TNIP1: variants seen among roughly 807,000 people sequenced by gnomAD.
TNIP1 encodes the protein TNFAIP3 interacting protein 1, also known as TNFAIP3-interacting protein 1.
In TNIP1, 22 loss-of-function variants were observed where a neutral mutation model predicts 86.6. The ratio of observed to expected loss-of-function variants is 0.25; its 90% CI spans 0.18 to 0.36. The LOEUF (loss-of-function observed/expected upper bound fraction) is 0.36, where lower values mean the gene tolerates loss of function less well. Among genes scored for constraint, TNIP1 ranks in the 10% least tolerant of loss-of-function variants. TNIP1 has a pLI of 1.00. For synonymous variants in TNIP1, 294 were observed against 313.0 expected (o/e 0.94, Z 0.64); for missense variants, 709 against 820.6 (o/e 0.86, Z 1.66).
At chr5:151,059,799 GAGA>G (rs1561512196) in intron 5 of TNIP1, among the ~76,000 whole-genome samples, 16 of 106,678 alleles carry the variant, frequency 1.5e-4, no homozygotes, top group African/African-American at 7.5e-4. Flanking sequence ...GAGAGAGAGA[GAGA>G]GAGAGAGAGA....
intron 1 of TNIP1, among the ~76,000 whole-genome samples, chr5:151,069,628 G>A (rs951901621): frequency 8.5e-5 from 13 of 152,122 alleles, no homozygotes; most frequent in African/African-American, 3.1e-4. Context: ...ACAGGGAGGT[G>A]GAAGGTCATC....
Position 151,042,734 on chromosome 5 carries a change from C to T in TNIP1, c.1003-63G>A, listed in dbSNP as rs115501731. On this transcript the variant is annotated intron_variant, in intron 10 of 17. Coordinates refer to ENST00000521591, the MANE Select transcript of TNIP1 (RefSeq NM_006058.5). Reference sequence around the variant, plus strand: ...ATGTAGAGCACTTGCAGGATGTGGGCAGGGCCTGGCTGCCCCTGGGCCCTC... The same window carrying T: ...ATGTAGAGCACTTGCAGGATGTGGGTAGGGCCTGGCTGCCCCTGGGCCCTC... 1.2e-4 allele frequency: 192 copies of T among 1,605,642 alleles called. 1 individual carries two copies. In the African/African-American group the frequency reaches 2.4e-3, roughly 20 times the overall value.
chr5:151,075,003 C>G (rs542693813), intron 1 of TNIP1, among the ~76,000 whole-genome samples: 1 of 152,312 alleles, frequency 6.6e-6, no homozygotes, highest in East Asian at 1.9e-4. Context: ...GTCTCAAACT[C>G]CTGGGCTCAA....
Position 151,059,820 on chromosome 5 carries a change from AGAGAGAGAGT to A in TNIP1, c.435+488_435+497del, listed in dbSNP as rs1171144131. Among the ~76,000 whole-genome samples, 5 of 93,818 alleles carry A rather than the reference AGAGAGAGAGT, an allele frequency of 5.3e-5. No individual in the cohort carries two copies. The East Asian group carries it at 1.6e-3, about 30-fold the overall frequency. The allele number at this position is 93,818 out of a possible 152,430, so 61.5% of individuals were successfully genotyped here. A position where few individuals can be genotyped will look rare whatever the true frequency, so the allele number is the denominator to read the frequency against. On this transcript the variant is annotated intron_variant, in intron 5 of 17. Transcript: ENST00000521591. ...GAGAGAGAGAGAGAGAGAGAGAGAG[AGAGAGAGAGT>A]GTGTGTGTGTGTGTGTGTGTGTGTG...
chr5:151,059,995 C>T (rs562026760), intron 5 of TNIP1, among the ~76,000 whole-genome samples: 2 of 152,222 alleles, frequency 1.3e-5, no homozygotes, highest in South Asian at 2.1e-4. Context: ...CTTTCTCCCC[C>T]GGGGTTGGAA....
chr5:151,052,283 G>C, intron 6 of TNIP1, 24 bp from the exon 7 acceptor site: 1 of 1,604,490 alleles, frequency 6.2e-7, no homozygotes, highest in East Asian at 2.3e-5. Context: ...GAACAGACAG[G>C]GTGAGGGAAA....
intron 1 of TNIP1, among the ~76,000 whole-genome samples, chr5:151,075,353 C>T (rs1763266200): frequency 6.6e-6 from 1 of 151,872 alleles, no homozygotes; most frequent in Middle Eastern, 3.2e-3. Flanking sequence ...TGCTTTTTTT[C>T]TGCTTCAACT....
At chr5:151,077,173 G>A (rs1297601369) in intron 1 of TNIP1, among the ~76,000 whole-genome samples, 1 of 152,224 alleles carries the variant, frequency 6.6e-6, no homozygotes, top group African/African-American at 2.4e-5. Context: ...GATTGAAATA[G>A]AGAGTGTATT....
chr5:151,036,671 A>G (rs1014511370), intron 13 of TNIP1, 119 bp downstream of exon 13: 5 of 1,486,036 alleles, frequency 3.4e-6, no homozygotes, highest in Admixed American at 1.9e-5. Flanking sequence ...GCCCTGGCCA[A>G]TGGCCAGAAA....
chr5:151,037,516 CCTTTCT>C (rs1234438053), intron 12 of TNIP1: 1 of 152,146 alleles, frequency 6.6e-6, no homozygotes, highest in African/African-American at 2.4e-5. Context: ...TAATATTTTC[CCTTTCT>C]AACACTGAAA....
At position 151,033,418 on chromosome 5, in the gene TNIP1, C is replaced by T. The variant is rs577286925; in HGVS notation, c.1779+190G>A. ...CCTGAACAGCTGTGGGGCAGCCCTG[C>T]GGGACTGTGGCCAGATCCCTGCCCC... On this transcript the variant is annotated intron_variant, in intron 16 of 17. Transcript: ENST00000521591. 1.2e-3 allele frequency: 499 copies of T among 433,160 alleles called. 2 individuals are homozygous for T. The highest frequency in any genetic ancestry group is 1.7e-3 in the South Asian group (25 of 14,698). The allele number at this position is 433,160 out of a possible 1,614,324, so 26.8% of individuals were successfully genotyped here. A position where few individuals can be genotyped will look rare whatever the true frequency, so the allele number is the denominator to read the frequency against.
intron 5 of TNIP1, among the ~76,000 whole-genome samples, chr5:151,059,781 G>GAC (rs1761158388): frequency 3.7e-5 from 1 of 27,330 alleles, no homozygotes; most frequent in African/African-American, 2.0e-4. Context: ...ACGAGAGACA[G>GAC]AGAGAGAGAG....
At position 151,056,929 on chromosome 5, in the gene TNIP1, C is replaced by T. The variant is rs540327190; in HGVS notation, c.464G>A (p.Gly155Asp). Residue 155 changes from glycine to aspartate, a missense_variant, in exon 6 of 18, where the codon GGC becomes GAC. By Grantham distance (94) the Gly-to-Asp change is moderately conservative (BLOSUM62 -1). Transcript: ENST00000521591. ...GCGCTGCAGGTGCAGCATCAGGTTG[C>T]CGTCCTCACGGGGCAGGGGGCCCAG... ...MALGPLPRED[G>D]NLMLHLQRLE... The T allele has an allele frequency of 2.5e-6, 4 of 1,570,386 alleles. No homozygotes were observed. The highest frequency in any genetic ancestry group is 1.8e-5 in the Admixed American group (1 of 55,116).
chr5:151,060,252 T>C, intron 5 of TNIP1, 66 bp downstream of exon 5: 2 of 1,557,598 alleles, frequency 1.3e-6, no homozygotes, highest in Non-Finnish European at 1.8e-6. Context: ...GCCTCTCACA[T>C]GGTAGCAAGT....
At chr5:151,034,651 C>A (rs533291801) in intron 15 of TNIP1, 14 of 311,870 alleles carry the variant, frequency 4.5e-5, no homozygotes, top group African/African-American at 3.0e-4. Context: ...GGCATGGGCA[C>A]AAAAGGCTGG....
At chr5:151,068,791 C>T (rs1214370217) in intron 1 of TNIP1, among the ~76,000 whole-genome samples, 1 of 150,544 alleles carries the variant, frequency 6.6e-6, no homozygotes, top group African/African-American at 2.5e-5. Context: ...CATGGCACAC[C>T]ACAGGCCCCC....
chr5:151,042,978 G>C lies in TNIP1; in HGVS notation c.937-17C>G, dbSNP rs761038815. The C allele has an allele frequency of 5.0e-6, 8 of 1,613,844 alleles. No homozygotes were observed. The highest frequency in any genetic ancestry group is 5.9e-6 in the Non-Finnish European group (7 of 1,179,910). ...TTCCAGCAGCTGTGGGGAGAGACTG[G>C]AGTTAGCAGGAGATGAGCAGAGAAG... On this transcript the variant is annotated splice_polypyrimidine_tract_variant and intron_variant, in intron 9 of 17. Coordinates refer to ENST00000521591, the MANE Select transcript of TNIP1 (RefSeq NM_006058.5).
intron 1 of TNIP1, among the ~76,000 whole-genome samples, chr5:151,075,511 C>T (rs1450632595): frequency 6.6e-6 from 1 of 152,192 alleles, no homozygotes; most frequent in Non-Finnish European, 1.5e-5. Context: ...CTCTAGCAGT[C>T]CCCAGTGTCT....
At chr5:151,077,722 T>C (rs953718160) in intron 1 of TNIP1, among the ~76,000 whole-genome samples, 4 of 152,190 alleles carry the variant, frequency 2.6e-5, no homozygotes, top group African/African-American at 7.2e-5. Flanking sequence ...AGCCCAGCAA[T>C]CTGTGTTTAA....
Sources: gnomAD v4.1 joint callset for allele counts (sites outside exome capture counted in the v4.1 genomes callset) on GRCh38, gnomAD v4.1.1 for gene constraint, MANE v1.5 for transcripts, NCBI Gene and HGNC (gene_info 2026-07-23, HGNC 2026-07-21) for gene names.